CNTN4: variants seen among roughly 807,000 people sequenced by gnomAD.
The protein encoded by CNTN4 is contactin-4.
Under a neutral mutation model 122.5 loss-of-function variants are expected in CNTN4, and 77 were observed. That is an observed-to-expected ratio of 0.63 (90% CI 0.52 to 0.76). The LOEUF (loss-of-function observed/expected upper bound fraction) is 0.76. Ranked by LOEUF, CNTN4 falls within the 30% of genes least tolerant of loss-of-function variation. CNTN4 has a pLI of 0.00. For missense variants in CNTN4, 1,256 were observed against 1,259.1 expected (o/e 1.00, Z 0.04); for synonymous variants, 512 against 447.0 (o/e 1.15, Z -1.83).
At chr3:2,111,716 C>T (rs775382511) in intron 2 of CNTN4, among the ~76,000 whole-genome samples, 18 of 152,056 alleles carry the variant, frequency 1.2e-4, no homozygotes, top group Non-Finnish European at 2.4e-4. Flanking sequence ...TCATTTTTCT[C>T]TTGTATATAA....
intron 4 of CNTN4, among the ~76,000 whole-genome samples, chr3:2,656,905 T>C (rs2083615570): frequency 6.6e-6 from 1 of 152,196 alleles, no homozygotes; most frequent in African/African-American, 2.4e-5. Flanking sequence ...GAATAGCTCA[T>C]TGGGAGTTCT....
chr3:2,577,202 C>T (rs1360660346), intron 4 of CNTN4, among the ~76,000 whole-genome samples: 1 of 152,156 alleles, frequency 6.6e-6, no homozygotes, highest in Non-Finnish European at 1.5e-5. Flanking sequence ...TGCTCTTAGC[C>T]TCTACTTTTA....
intron 10 of CNTN4, among the ~76,000 whole-genome samples, chr3:2,899,019 AT>A (rs1197200582): frequency 2.6e-5 from 4 of 152,160 alleles, no homozygotes; most frequent in Admixed American, 2.6e-4. Flanking sequence ...GATGTTCTAA[AT>A]TTTTTTGAAG....
chr3:2,453,416 A>T (rs1336968863), intron 3 of CNTN4, among the ~76,000 whole-genome samples: 2 of 152,154 alleles, frequency 1.3e-5, no homozygotes, highest in Non-Finnish European at 2.9e-5. Context: ...GAAAAGCAGT[A>T]ATGATAGCTG....
At chr3:2,194,473 A>G (rs2037742878) in intron 2 of CNTN4, among the ~76,000 whole-genome samples, 1 of 152,148 alleles carries the variant, frequency 6.6e-6, no homozygotes, top group Non-Finnish European at 1.5e-5. Flanking sequence ...CAGAAAAGAA[A>G]GGAAAGAAAT....
chr3:2,719,703 C>T (rs62232729), intron 4 of CNTN4, among the ~76,000 whole-genome samples: 21,633 of 151,974 alleles, frequency 0.14, 2,092 homozygotes, highest in East Asian at 0.39. Context: ...GGATTACAGG[C>T]GTGAGCCACC....
chr3:2,473,929 T>C (rs2075766314), intron 3 of CNTN4, among the ~76,000 whole-genome samples: 1 of 151,938 alleles, frequency 6.6e-6, no homozygotes, highest in African/African-American at 2.4e-5. Flanking sequence ...GGAGAATCAC[T>C]TGAACTCGGG....
intron 13 of CNTN4, among the ~76,000 whole-genome samples, chr3:2,940,621 C>G (rs1448239450): frequency 1.3e-5 from 2 of 151,902 alleles, no homozygotes; most frequent in Non-Finnish European, 2.9e-5. Flanking sequence ...GGAGATGATT[C>G]TCAAGGAGAG....
intron 2 of CNTN4, among the ~76,000 whole-genome samples, chr3:2,228,828 A>T (rs999047680): frequency 1.3e-5 from 2 of 152,106 alleles, no homozygotes; most frequent in Admixed American, 6.5e-5. Flanking sequence ...ATATTTATTA[A>T]ATAGGATTGG....
chr3:2,943,131 G>C (rs62232839), intron 13 of CNTN4, among the ~76,000 whole-genome samples: 11,434 of 152,186 alleles, frequency 0.075, 488 homozygotes, highest in Middle Eastern at 0.12. Flanking sequence ...GCCGCCTTTA[G>C]GGTGGAACAA....
chr3:2,928,407 T>C (rs1312038938), intron 13 of CNTN4, among the ~76,000 whole-genome samples: 1 of 152,144 alleles, frequency 6.6e-6, no homozygotes, highest in Non-Finnish European at 1.5e-5. Flanking sequence ...GAAAATTAAG[T>C]GGATGAGTGA....
chr3:2,164,860 AAAC>A (rs2036129487), intron 2 of CNTN4, among the ~76,000 whole-genome samples: 1 of 152,230 alleles, frequency 6.6e-6, no homozygotes, highest in African/African-American at 2.4e-5. Flanking sequence ...TGTTTAAAAA[AAAC>A]AAAACAAAAC....
intron 3 of CNTN4, among the ~76,000 whole-genome samples, chr3:2,411,076 GT>G (rs1487761739): frequency 6.6e-6 from 1 of 152,122 alleles, no homozygotes; most frequent in African/African-American, 2.4e-5. Context: ...TTATTATGTA[GT>G]TTACTTACAA....
At chr3:2,966,898 A>G (rs970110893) in intron 13 of CNTN4, among the ~76,000 whole-genome samples, 5 of 152,146 alleles carry the variant, frequency 3.3e-5, no homozygotes, top group African/African-American at 1.2e-4. Context: ...GACTATATTG[A>G]CTGGTGGACT....
intron 6 of CNTN4, among the ~76,000 whole-genome samples, chr3:2,777,467 T>C (rs2091369773): frequency 6.6e-6 from 1 of 152,222 alleles, no homozygotes; most frequent in East Asian, 1.9e-4. Context: ...CTTTAGCTAA[T>C]GTACCTGGCA....
intron 3 of CNTN4, among the ~76,000 whole-genome samples, chr3:2,364,747 A>G (rs527781102): frequency 9.2e-5 from 14 of 152,324 alleles, no homozygotes; most frequent in Non-Finnish European, 1.8e-4. Flanking sequence ...TGGTAATTGA[A>G]AGCACTTGTT....
At position 2,662,421 on chromosome 3, in the gene CNTN4, A is replaced by G. The variant is rs865790618; in HGVS notation, c.56-73794A>G. Among the ~76,000 whole-genome samples the G allele has an allele frequency of 7.2e-5, 11 of 152,242 alleles. No homozygotes were observed. In the East Asian group the frequency reaches 9.6e-4, roughly 13 times the overall value. On this transcript the variant is annotated intron_variant, in intron 4 of 24. Transcript: ENST00000418658. ...ACTTTCCAGATGTCTTTGGACATCA[A>G]CATCCAGCTGCTAAACAGGAAAAGA...
chr3:2,686,783 C>G (rs2085454267), intron 4 of CNTN4, among the ~76,000 whole-genome samples: 1 of 152,178 alleles, frequency 6.6e-6, no homozygotes, highest in African/African-American at 2.4e-5. Context: ...ATGCTATCCT[C>G]TGCTGTGGAC....
chr3:2,139,058 C>T (rs1172980107), intron 2 of CNTN4, among the ~76,000 whole-genome samples: 1 of 152,092 alleles, frequency 6.6e-6, no homozygotes, highest in Non-Finnish European at 1.5e-5. Flanking sequence ...TTTCCTCTAA[C>T]AAATGGGGGA....
Sources: allele counts gnomAD v4.1 joint callset (sites outside exome capture counted in the v4.1 genomes callset), GRCh38; gene constraint gnomAD v4.1.1; transcripts MANE v1.5; gene names NCBI Gene and HGNC (gene_info 2026-07-23, HGNC 2026-07-21).